AKAP19: variants seen among roughly 807,000 people sequenced by gnomAD.
AKAP19 encodes the protein small A-kinase anchoring protein.
chr2:189,892,936 G>A, the AKAP19 span, among the ~76,000 whole-genome samples: 2 of 152,216 alleles, frequency 1.3e-5, no homozygotes, highest in African/African-American at 4.8e-5. Context: ...CCTGCCCAGA[G>A]AGGAGGAATC....
the AKAP19 span, among the ~76,000 whole-genome samples, chr2:190,169,087 A>G: frequency 6.6e-6 from 1 of 152,200 alleles, no homozygotes; most frequent in Admixed American, 6.5e-5. Flanking sequence ...GGTTTATTGG[A>G]CTTGCAGTTC....
At chr2:190,057,262 G>T in the AKAP19 span, 1 of 1,613,082 alleles carries the variant, frequency 6.2e-7, no homozygotes, top group South Asian at 1.1e-5. Context: ...TAAATCTCAT[G>T]AGCACCCACA....
the AKAP19 span, among the ~76,000 whole-genome samples, chr2:190,043,768 G>A: frequency 1.3e-5 from 2 of 152,192 alleles, no homozygotes; most frequent in Admixed American, 1.3e-4. Flanking sequence ...ACAACACTCT[G>A]TCCATTTGAG....
the AKAP19 span, among the ~76,000 whole-genome samples, chr2:190,085,966 A>T: frequency 2.0e-5 from 3 of 152,330 alleles, no homozygotes; most frequent in South Asian, 6.2e-4. Flanking sequence ...TAGCCAAAAA[A>T]CAAACCTAAA....
At chr2:190,064,686 G>A in the AKAP19 span, among the ~76,000 whole-genome samples, 2 of 152,134 alleles carry the variant, frequency 1.3e-5, no homozygotes, top group Admixed American at 1.3e-4. Context: ...AGAAGGGTTT[G>A]AGATTATGCT....
At chr2:190,179,200 G>A in the AKAP19 span, among the ~76,000 whole-genome samples, 1 of 152,126 alleles carries the variant, frequency 6.6e-6, no homozygotes, top group African/African-American at 2.4e-5. This position sits in a 1 kb window ranked among gnomAD's most constrained non-coding sequence, Gnocchi z 6.0. Context: ...CTGAGGTCTG[G>A]GGTTCGGGAT....
At chr2:190,161,300 A>G in the AKAP19 span, among the ~76,000 whole-genome samples, 1 of 152,130 alleles carries the variant, frequency 6.6e-6, no homozygotes, top group East Asian at 1.9e-4. Flanking sequence ...TCAGTCCTAC[A>G]TGGATGGTCC....
chr2:189,903,955 A>G, the AKAP19 span, among the ~76,000 whole-genome samples: 2 of 152,048 alleles, frequency 1.3e-5, no homozygotes, highest in African/African-American at 2.4e-5. Flanking sequence ...CATCTATGTT[A>G]CTGCTGATTA....
At chr2:189,941,580 T>C in the AKAP19 span, among the ~76,000 whole-genome samples, 2 of 152,188 alleles carry the variant, frequency 1.3e-5, no homozygotes, top group Non-Finnish European at 2.9e-5. Flanking sequence ...AACTTTGAGA[T>C]CCAAAGTAAA....
chr2:190,147,240 C>T, the AKAP19 span, among the ~76,000 whole-genome samples: 1 of 152,098 alleles, frequency 6.6e-6, no homozygotes, highest in African/African-American at 2.4e-5. Context: ...ATCCTAGCAC[C>T]ATTTGTTGAA....
the AKAP19 span, among the ~76,000 whole-genome samples, chr2:190,188,156 A>G: frequency 3.9e-5 from 6 of 152,134 alleles, no homozygotes; most frequent in Admixed American, 3.9e-4. Context: ...AATAAATTAT[A>G]TTCTCTTTCT....
chr2:190,083,433 A>T, the AKAP19 span, among the ~76,000 whole-genome samples: 3 of 152,316 alleles, frequency 2.0e-5, no homozygotes, highest in African/African-American at 7.2e-5. Context: ...CACTAAATAT[A>T]ATTTTAATGA....
chr2:190,049,728 C>T, the AKAP19 span, among the ~76,000 whole-genome samples: 1 of 152,210 alleles, frequency 6.6e-6, no homozygotes, highest in Admixed American at 6.5e-5. Context: ...TACATCTGAA[C>T]TTCTATGAGA....
chr2:189,943,589 G>A, the AKAP19 span, among the ~76,000 whole-genome samples: 3 of 152,346 alleles, frequency 2.0e-5, no homozygotes, highest in South Asian at 6.2e-4. Context: ...CTGTGAGAAG[G>A]AGGCCATTGT....
chr2:190,150,734 C>T, the AKAP19 span, among the ~76,000 whole-genome samples: 2 of 151,378 alleles, frequency 1.3e-5, no homozygotes, highest in Non-Finnish European at 2.9e-5. Flanking sequence ...GATCTCTGTC[C>T]TCCCAAGAGG....
the AKAP19 span, among the ~76,000 whole-genome samples, chr2:189,884,731 T>G: frequency 2.6e-5 from 4 of 152,246 alleles, no homozygotes; most frequent in South Asian, 4.1e-4. Context: ...TATGCTAGTA[T>G]ATGAGTATGG....
At chr2:189,897,988 G>A in the AKAP19 span, among the ~76,000 whole-genome samples, 1 of 151,916 alleles carries the variant, frequency 6.6e-6, no homozygotes, top group African/African-American at 2.4e-5. Context: ...ACGGTGGATC[G>A]CTTGAGCCCA....
At chr2:190,203,452 G>T in the AKAP19 span, 443 of 166,432 alleles carry the variant, frequency 2.7e-3, 1 homozygote, top group African/African-American at 0.01. Context: ...ATTTGTTGTT[G>T]TAACTGCACA....
the AKAP19 span, among the ~76,000 whole-genome samples, chr2:189,998,504 C>T: frequency 1.3e-5 from 2 of 152,088 alleles, no homozygotes; most frequent in African/African-American, 2.4e-5. Flanking sequence ...TGTATGTGTG[C>T]AGGAATTTGC....
Sources: gnomAD v4.1 joint callset for allele counts (sites outside exome capture counted in the v4.1 genomes callset) on GRCh38, gnomAD v4.1.1 for gene constraint, Gnocchi (gnomAD v3.1) non-coding constraint, MANE v1.5 for transcripts, NCBI Gene and HGNC (gene_info 2026-07-23, HGNC 2026-07-21) for gene names.